Variants in ATP2B4 observed in about 807,000 individuals in gnomAD.
ATP2B4 encodes ATPase plasma membrane Ca2+ transporting 4.
In ATP2B4, 39 loss-of-function variants were observed where a neutral mutation model predicts 110.3. That is an observed-to-expected ratio of 0.35 (90% CI 0.27 to 0.46). ATP2B4 has a LOEUF of 0.46. ATP2B4 is among the 20% of genes least tolerant of loss of function. The pLI, the probability that ATP2B4 is intolerant of heterozygous loss-of-function variation, is 1.00. For missense variants in ATP2B4, 1,135 were observed against 1,530.9 expected (o/e 0.74, Z 4.32); for synonymous variants, 538 against 571.7 (o/e 0.94, Z 0.84).
At chr1:203,700,452 C>T in intron 5 of ATP2B4, 121 bp downstream of exon 5, 1 of 1,347,238 alleles carries the variant, frequency 7.4e-7, no homozygotes, top group South Asian at 1.5e-5. Context: ...TCAGCTGGGG[C>T]AACAGCATTT....
chr1:203,727,747 T>C, intron 20 of ATP2B4, 176 bp downstream of exon 20: 1 of 727,700 alleles, frequency 1.4e-6, no homozygotes, highest in East Asian at 2.8e-5. Flanking sequence ...CTGTGTGGGG[T>C]CCTCTGAGAG....
chr1:203,724,078 C>T, intron 19 of ATP2B4, 90 bp downstream of exon 19: 1 of 1,072,500 alleles, frequency 9.3e-7, no homozygotes, highest in South Asian at 1.7e-5. Flanking sequence ...GGTGGAGACC[C>T]CCCAGCTCCT....
intron 1 of ATP2B4, among the ~76,000 whole-genome samples, chr1:203,677,374 T>C (rs954205142): frequency 6.6e-6 from 1 of 152,180 alleles, no homozygotes; most frequent in Non-Finnish European, 1.5e-5. Context: ...TTCCTGAGTA[T>C]AGGGAGAAGT....
intron 19 of ATP2B4, among the ~76,000 whole-genome samples, chr1:203,724,972 G>C (rs1038846151): frequency 1.3e-5 from 2 of 149,610 alleles, no homozygotes; most frequent in Non-Finnish European, 3.0e-5. Flanking sequence ...TGCCTCCTGG[G>C]TTCAAGCAAT....
In ATP2B4 at chr1:203,703,669, G is replaced by C. The variant is rs771834143; in HGVS notation, c.955G>C (p.Val319Leu). The C allele has an allele frequency of 6.2e-7, 1 of 1,614,076 alleles. No individual in the cohort carries two copies. Among genetic ancestry groups the C allele is most frequent in the Non-Finnish European group, 8.5e-7 (1 of 1,179,976 alleles). Residue 319 changes from valine (V) to leucine (L), a missense_variant, in exon 8 of 21, where the codon GTG becomes CTG. Physicochemically the swap from Val to Leu is conservative, Grantham distance 32. Transcript: ENST00000357681. Reference sequence around the variant, plus strand: ...CACTCCAGCAAAGACCCAAGACGGAGTGGCCCTGGAAATCCAGCCACTCAA... The same window carrying C: ...CACTCCAGCAAAGACCCAAGACGGACTGGCCCTGGAAATCCAGCCACTCAA... ...NRNKAKTQDG[V>L]ALEIQPLNSQ...
At chr1:203,638,201 A>G (rs1010176692) in intron 1 of ATP2B4, among the ~76,000 whole-genome samples, 1 of 152,066 alleles carries the variant, frequency 6.6e-6, no homozygotes, top group African/African-American at 2.4e-5. Flanking sequence ...AGAATCGGAT[A>G]CTCTGGCAGG....
At chr1:203,674,293 C>T (rs780630019) in intron 1 of ATP2B4, among the ~76,000 whole-genome samples, 2 of 152,134 alleles carry the variant, frequency 1.3e-5, no homozygotes, top group African/African-American at 2.4e-5. Flanking sequence ...AAATGGTGAG[C>T]GCTGCTGTTT....
chr1:203,656,644 A>G lies in ATP2B4; in HGVS notation c.-464-26098A>G, dbSNP rs190413050. ...CATTTAAATTCTCAGACACATAATT[A>G]AGTGTGTATTAACCTTTTTGAAAGG... On this transcript the variant is annotated intron_variant, in intron 1 of 20. Coordinates refer to ENST00000357681, the MANE Select transcript of ATP2B4 (RefSeq NM_001684.5). 9.6e-4 allele frequency among the ~76,000 whole-genome samples: 146 copies of G among 152,338 alleles called. No individual in the cohort carries two copies. The Middle Eastern group carries it at 0.014, about 14-fold the overall frequency.
At chr1:203,718,497 G>A (rs57906509) in intron 15 of ATP2B4, among the ~76,000 whole-genome samples, 6,021 of 151,314 alleles carry the variant, frequency 0.04, 394 homozygotes, top group African/African-American at 0.14. Flanking sequence ...ATGGAGTTTC[G>A]CCATTTTGGC....
intron 1 of ATP2B4, among the ~76,000 whole-genome samples, chr1:203,678,911 A>G (rs1664912473): frequency 6.6e-6 from 1 of 152,184 alleles, no homozygotes; most frequent in South Asian, 2.1e-4. Flanking sequence ...AATTGATATG[A>G]CCAATGCTTT....
At chr1:203,721,135 A>G in intron 16 of ATP2B4, 62 bp from the exon 17 acceptor site, 1 of 1,571,636 alleles carries the variant, frequency 6.4e-7, no homozygotes, top group Non-Finnish European at 8.7e-7. Context: ...TGGGCCATCG[A>G]CAGGGCAAAG....
chr1:203,662,436 A>G (rs571624681), intron 1 of ATP2B4, among the ~76,000 whole-genome samples: 2 of 151,988 alleles, frequency 1.3e-5, no homozygotes, highest in South Asian at 4.2e-4. Flanking sequence ...CCAAACTGAA[A>G]CTCTGTACCC....
chr1:203,661,938 G>A (rs1176549807), intron 1 of ATP2B4, among the ~76,000 whole-genome samples: 3 of 151,974 alleles, frequency 2.0e-5, no homozygotes, highest in Admixed American at 6.6e-5. Context: ...TCTATACCAG[G>A]ATGACTCTTC....
chr1:203,659,586 G>T (rs1485374184), intron 1 of ATP2B4, among the ~76,000 whole-genome samples: 1 of 152,150 alleles, frequency 6.6e-6, no homozygotes, highest in Non-Finnish European at 1.5e-5. Context: ...GATCACTTGA[G>T]CCCAGAGGCT....
At chr1:203,727,628 G>C in intron 20 of ATP2B4, 57 bp downstream of exon 20, 1 of 1,597,200 alleles carries the variant, frequency 6.3e-7, no homozygotes, top group Non-Finnish European at 8.5e-7. Context: ...ATCTTGGAAG[G>C]TGTTGGGAGG....
chr1:203,677,959 G>T (rs1051754364), intron 1 of ATP2B4, among the ~76,000 whole-genome samples: 5 of 152,212 alleles, frequency 3.3e-5, no homozygotes, highest in African/African-American at 1.2e-4. Flanking sequence ...GGACAGAGTA[G>T]GGCAGGGCAG....
rs1343909167 is a variant in ATP2B4, at chr1:203,739,666, C to T, written c.3430C>T (p.Arg1144Ter). Residue 1144 changes from arginine to a stop codon, truncating the protein, a stop_gained, in exon 21 of 21, where the codon CGA (arginine) becomes TGA (stop). Transcript: ENST00000357681. LOFTEE classifies it low-confidence loss of function (END_TRUNC). Reference sequence around the variant, plus strand: ...ATTCGCCATAGAGGAGGAGTTGCCACGAACACCACTCCTGGATGAGGAAGA... The same window carrying T: ...ATTCGCCATAGAGGAGGAGTTGCCATGAACACCACTCCTGGATGAGGAAGA... ...PEFAIEEELPRTPLLDEEEEE... is the reference protein window; with the variant it reads ...PEFAIEEELP 14 of 1,614,118 alleles carry T rather than the reference C, an allele frequency of 8.7e-6. No individual in the cohort carries two copies. The highest frequency in any genetic ancestry group is 3.3e-5 in the South Asian group (3 of 91,072).
intron 1 of ATP2B4, among the ~76,000 whole-genome samples, chr1:203,659,012 A>T (rs1301297439): frequency 6.6e-6 from 1 of 152,148 alleles, no homozygotes; most frequent in Admixed American, 6.5e-5. Flanking sequence ...TGAAAAAAAA[A>T]AAATTAGAAG....
At chr1:203,678,230 A>T (rs1329388406) in intron 1 of ATP2B4, among the ~76,000 whole-genome samples, 2 of 151,946 alleles carry the variant, frequency 1.3e-5, no homozygotes, top group Non-Finnish European at 2.9e-5. Flanking sequence ...ACAAGGTATC[A>T]CTCTTTTTCC....
Sources: allele counts gnomAD v4.1 joint callset (sites outside exome capture counted in the v4.1 genomes callset), GRCh38; gene constraint gnomAD v4.1.1; transcripts MANE v1.5; gene names NCBI Gene and HGNC (gene_info 2026-07-23, HGNC 2026-07-21).